TMEM232: variants seen among roughly 807,000 people sequenced by gnomAD.
TMEM232 encodes transmembrane protein 232.
Under a neutral mutation model 78.8 loss-of-function variants are expected in TMEM232, and 80 were observed. The ratio of observed to expected loss-of-function variants is 1.01; its 90% CI spans 0.85 to 1.22. The LOEUF (loss-of-function observed/expected upper bound fraction) is 1.22. Among genes scored for constraint, TMEM232 ranks in the 50% most tolerant of loss-of-function variants. The probability of loss-of-function intolerance (pLI) is 0.00; values close to 1 mark genes in which losing one functional copy is unlikely to be tolerated. For synonymous variants in TMEM232, 297 were observed against 254.3 expected (o/e 1.17, Z -1.60); for missense variants, 881 against 742.2 (o/e 1.19, Z -2.17).
chr5:110,505,097 C>G (rs922975033), intron 12 of TMEM232, among the ~76,000 whole-genome samples: 3 of 152,148 alleles, frequency 2.0e-5, no homozygotes, highest in African/African-American at 7.2e-5. Flanking sequence ...CATAACCAAA[C>G]TGGAAGAGAA....
Position 110,642,247 on chromosome 5 carries a change from G to A in TMEM232, c.237+13C>T, listed in dbSNP as rs774428061. On this transcript the variant is annotated intron_variant, in intron 3 of 13. Coordinates refer to ENST00000455884, the MANE Select transcript of TMEM232 (RefSeq NM_001039763.4). Reference sequence around the variant, plus strand: ...AAGTTAACATGCTCAACAATCAAATGATATGCCATTACCTTACATCTGAGA... The same window carrying A: ...AAGTTAACATGCTCAACAATCAAATAATATGCCATTACCTTACATCTGAGA... 2.4e-5 allele frequency: 35 copies of A among 1,471,392 alleles called. 1 individual carries two copies. In the South Asian group the frequency reaches 4.4e-4, roughly 19 times the overall value. The allele number at this position is 1,471,392 out of a possible 1,614,324, so 91.1% of individuals were successfully genotyped here. A position where few individuals can be genotyped will look rare whatever the true frequency, so the allele number is the denominator to read the frequency against.
In TMEM232 at chr5:110,512,636, G is replaced by A. The variant is rs563625874; in HGVS notation, c.1703+15952C>T. 2.6e-5 allele frequency among the ~76,000 whole-genome samples: 4 copies of A among 152,102 alleles called. 1 individual carries two copies. Among genetic ancestry groups the A allele is most frequent in the Admixed American group, 2.0e-4 (3 of 15,260 alleles). ...GAAAACATCTGCCCTGGATACGAAC[G>A]CTTCAGGAAGTTTACATTCTAATTA... On this transcript the variant is annotated intron_variant, in intron 12 of 13. Transcript: ENST00000455884.
chr5:110,464,900 A>T (rs1056164207), intron 12 of TMEM232, among the ~76,000 whole-genome samples: 4 of 152,192 alleles, frequency 2.6e-5, no homozygotes, highest in African/African-American at 9.7e-5. Context: ...AACTGCATAC[A>T]TTTCTAAGAA....
At chr5:110,604,991 T>TA in intron 10 of TMEM232, 118 bp downstream of exon 10, 1 of 1,225,206 alleles carries the variant, frequency 8.2e-7, no homozygotes, top group East Asian at 2.6e-5. Context: ...CCAAAATTTG[T>TA]AAAATTTAAA....
chr5:110,685,189 A>G (rs989697208), intron 1 of TMEM232, among the ~76,000 whole-genome samples: 3 of 152,200 alleles, frequency 2.0e-5, no homozygotes, highest in Non-Finnish European at 2.9e-5. Flanking sequence ...AATACTACAT[A>G]TAAAAACTTA....
chr5:110,641,873 G>A (rs1401758969), intron 3 of TMEM232, among the ~76,000 whole-genome samples: 1 of 152,090 alleles, frequency 6.6e-6, no homozygotes, highest in Non-Finnish European at 1.5e-5. Context: ...CACAAGTTAG[G>A]TGAAGAATAG....
rs182610373 is a variant in TMEM232, at chr5:110,524,399, G to A, written c.1703+4189C>T. On this transcript the variant is annotated intron_variant, in intron 12 of 13. Transcript: ENST00000455884. ...AGAAAGAAAGAAAGAAAGAAAGAAA[G>A]AAAGAAAGAAAGAAAGAAAAGAAAA... is the stretch of plus-strand genomic sequence containing the variant. 8.9e-3 allele frequency among the ~76,000 whole-genome samples: 640 copies of A among 71,908 alleles called. 5 individuals are homozygous for A. Among genetic ancestry groups the A allele is most frequent in the Non-Finnish European group, 0.01 (397 of 38,532 alleles). 47.2% of individuals were successfully genotyped at this position (71,908 alleles called of 152,430 possible).
chr5:110,606,366 A>G, intron 8 of TMEM232, 79 bp from the exon 9 acceptor site: 1 of 1,375,348 alleles, frequency 7.3e-7, no homozygotes, highest in Non-Finnish European at 9.7e-7. Context: ...TGAAAAAATG[A>G]AATAGGTCAG....
chr5:110,531,864 T>C (rs1027815976), intron 11 of TMEM232, among the ~76,000 whole-genome samples: 2 of 152,184 alleles, frequency 1.3e-5, no homozygotes, highest in African/African-American at 2.4e-5. Flanking sequence ...ATTCTCAATA[T>C]ACATTTTATT....
At chr5:110,558,887 C>T (rs991109268) in intron 11 of TMEM232, among the ~76,000 whole-genome samples, 1 of 152,160 alleles carries the variant, frequency 6.6e-6, no homozygotes, top group African/African-American at 2.4e-5. Context: ...TAACTCACCC[C>T]ACCTCTAGGG....
At chr5:110,448,491 T>C (rs1023531219) in intron 12 of TMEM232, among the ~76,000 whole-genome samples, 1 of 152,058 alleles carries the variant, frequency 6.6e-6, no homozygotes, top group Non-Finnish European at 1.5e-5. Flanking sequence ...CTCAATTACA[T>C]TAAACATAAA....
rs1364051000 is a variant in TMEM232, at chr5:110,550,689, T to C, written c.1455+17758A>G. On this transcript the variant is annotated intron_variant, in intron 11 of 13. Transcript: ENST00000455884. The stretch of plus-strand genomic sequence containing the variant: ...AACATTATTGATAGAAATTGGGAAA[T>C]ACCTTAAAAAGTGGCAGGATGTAAA... 2.6e-5 allele frequency among the ~76,000 whole-genome samples: 4 copies of C among 151,946 alleles called. No homozygotes were observed. In the East Asian group the frequency reaches 7.7e-4, roughly 29 times the overall value.
intron 11 of TMEM232, among the ~76,000 whole-genome samples, chr5:110,550,709 T>A (rs1774346912): frequency 1.3e-5 from 2 of 151,930 alleles, no homozygotes; most frequent in Admixed American, 1.3e-4. Context: ...AGTGGCAGGA[T>A]GTAAATATCC....
intron 8 of TMEM232, among the ~76,000 whole-genome samples, chr5:110,614,328 A>C (rs1323546500): frequency 6.6e-6 from 1 of 152,112 alleles, no homozygotes; most frequent in Non-Finnish European, 1.5e-5. Context: ...TGCTATATCG[A>C]AACTCTTAAA....
chr5:110,721,655 ATGTGTG>A (rs796424096), intron 1 of TMEM232, among the ~76,000 whole-genome samples: 2 of 98,824 alleles, frequency 2.0e-5, no homozygotes, highest in African/African-American at 8.3e-5. Context: ...TCTGCATATC[ATGTGTG>A]TGTGTGTGTG....
chr5:110,598,780 A>G (rs147842177), intron 10 of TMEM232, among the ~76,000 whole-genome samples: 1 of 147,148 alleles, frequency 6.8e-6, no homozygotes, highest in Non-Finnish European at 1.5e-5. Flanking sequence ...CAAACACCGC[A>G]TGTTCTCACT....
At chr5:110,502,394 T>C (rs1029577196) in intron 12 of TMEM232, among the ~76,000 whole-genome samples, 4 of 152,212 alleles carry the variant, frequency 2.6e-5, no homozygotes, top group African/African-American at 9.7e-5. Context: ...GGACAAGTTT[T>C]AGCAAAGGAA....
chr5:110,708,189 C>T (rs139495495), intron 1 of TMEM232, among the ~76,000 whole-genome samples: 1,848 of 152,192 alleles, frequency 0.012, 46 homozygotes, highest in African/African-American at 0.042. Context: ...TTGGTCATAG[C>T]AGGGATAGAG....
intron 12 of TMEM232, among the ~76,000 whole-genome samples, chr5:110,442,356 C>T (rs1022697299): frequency 2.6e-5 from 4 of 151,850 alleles, no homozygotes; most frequent in East Asian, 1.9e-4. Context: ...TTCAAATAGT[C>T]TGTTTTCAAG....
Sources: gnomAD v4.1 joint callset for allele counts (sites outside exome capture counted in the v4.1 genomes callset) on GRCh38, gnomAD v4.1.1 for gene constraint, MANE v1.5 for transcripts, NCBI Gene and HGNC (gene_info 2026-07-23, HGNC 2026-07-21) for gene names.